Variants in NSMCE2 observed in about 807,000 individuals in gnomAD.
NSMCE2 encodes the protein E3 SUMO-protein ligase NSE2.
A neutral mutation model predicts 23.8 loss-of-function variants in NSMCE2; 24 were observed. The ratio of observed to expected loss-of-function variants is 1.01; its 90% CI spans 0.73 to 1.42. The LOEUF (loss-of-function observed/expected upper bound fraction) is 1.42, where lower values mean the gene tolerates loss of function less well. Ranked by LOEUF, NSMCE2 falls within the 40% of genes most tolerant of loss-of-function variation. The pLI, the probability that NSMCE2 is intolerant of heterozygous loss-of-function variation, is 0.00. For missense variants in NSMCE2, 284 were observed against 296.5 expected, an observed-to-expected ratio of 0.96 and a Z score of 0.31; for synonymous variants, 92 against 94.1, an observed-to-expected ratio of 0.98 and a Z score of 0.13.
At chr8:125,213,574 C>CCCTCTTTCCTTTCTTCT (rs1824444592) in intron 5 of NSMCE2, among the ~76,000 whole-genome samples, 1 of 131,234 alleles carries the variant, frequency 7.6e-6, no homozygotes, top group East Asian at 2.6e-4. Flanking sequence ...CCTCCCCCTC[C>CCCTCTTTCCTTTCTTCT]CCTCTTTCCT....
At chr8:125,320,145 C>T (rs991721772) in intron 5 of NSMCE2, among the ~76,000 whole-genome samples, 2 of 148,840 alleles carry the variant, frequency 1.3e-5, no homozygotes, top group African/African-American at 5.0e-5. Flanking sequence ...CACCACACTC[C>T]GGTCTGGGCA....
intron 5 of NSMCE2, among the ~76,000 whole-genome samples, chr8:125,255,690 G>A (rs1586677186): frequency 6.6e-6 from 1 of 152,178 alleles, no homozygotes; most frequent in Non-Finnish European, 1.5e-5. Flanking sequence ...ATGAAGGCCC[G>A]TGTTTGCCAG....
At chr8:125,363,351 T>A (rs1272394911) in intron 7 of NSMCE2, 3 of 151,618 alleles carry the variant, frequency 2.0e-5, no homozygotes, top group African/African-American at 7.3e-5. Context: ...AAAAATTTTT[T>A]AAAAATTAGC....
At chr8:125,251,330 A>G (rs1249063266) in intron 5 of NSMCE2, among the ~76,000 whole-genome samples, 2 of 152,260 alleles carry the variant, frequency 1.3e-5, no homozygotes, top group Non-Finnish European at 2.9e-5. Flanking sequence ...TGGAAAAAAA[A>G]GTATTTTCAA....
chr8:125,136,759 A>G (rs189298891), intron 3 of NSMCE2, among the ~76,000 whole-genome samples: 3 of 152,174 alleles, frequency 2.0e-5, no homozygotes, highest in Non-Finnish European at 2.9e-5. Flanking sequence ...TTAGGTGTTT[A>G]TGAATTATTA....
intron 5 of NSMCE2, among the ~76,000 whole-genome samples, chr8:125,342,497 A>G (rs1245322386): frequency 6.6e-6 from 1 of 152,132 alleles, no homozygotes; most frequent in Non-Finnish European, 1.5e-5. Flanking sequence ...GAAAGTGGAC[A>G]AGGAGGGGGT....
chr8:125,255,606 G>C (rs370235435), intron 5 of NSMCE2, among the ~76,000 whole-genome samples: 1 of 152,276 alleles, frequency 6.6e-6, no homozygotes, highest in East Asian at 1.9e-4. Context: ...TGAGCACTTA[G>C]GTGTTGCTGG....
Position 125,144,387 on chromosome 8 carries a change from A to G in NSMCE2, c.158-6784A>G, listed in dbSNP as rs113795367. The stretch of plus-strand genomic sequence containing the variant: ...CCCACCTGGATTTGGGAAAGCCAAT[A>G]GAAAGAATCTTCTGCTCTCCTATCT... On this transcript the variant is annotated intron_variant, in intron 3 of 7. Coordinates refer to ENST00000287437, the MANE Select transcript of NSMCE2 (RefSeq NM_173685.4). Among the ~76,000 whole-genome samples, 457 of 152,360 alleles carry G rather than the reference A, an allele frequency of 3.0e-3. 2 individuals are homozygous for G. Among genetic ancestry groups the G allele is most frequent in the African/African-American group, 0.01 (431 of 41,588 alleles).
chr8:125,363,121 A>G (rs1052790193), intron 7 of NSMCE2: 4 of 152,230 alleles, frequency 2.6e-5, no homozygotes, highest in African/African-American at 9.6e-5. Context: ...TTTCAATGTC[A>G]TGGAAGCCAA....
intron 5 of NSMCE2, among the ~76,000 whole-genome samples, chr8:125,226,859 C>T (rs1330407965): frequency 6.6e-6 from 1 of 152,074 alleles, no homozygotes; most frequent in African/African-American, 2.4e-5. Context: ...CCCTTAGTTT[C>T]CTCTTTTCTC....
intron 5 of NSMCE2, among the ~76,000 whole-genome samples, chr8:125,267,147 A>G (rs545203830): frequency 6.6e-6 from 1 of 151,428 alleles, no homozygotes; most frequent in South Asian, 2.1e-4. Context: ...TGGATTATAT[A>G]TAGGCACGCA....
At chr8:125,311,340 T>TA (rs534080011) in intron 5 of NSMCE2, among the ~76,000 whole-genome samples, 85 of 151,508 alleles carry the variant, frequency 5.6e-4, no homozygotes, top group Non-Finnish European at 9.0e-4. Context: ...TAGAAATCTG[T>TA]AAAAAAAAAT....
intron 4 of NSMCE2, among the ~76,000 whole-genome samples, chr8:125,171,003 TTTGA>T (rs1333400860): frequency 6.6e-6 from 1 of 152,198 alleles, no homozygotes; most frequent in Non-Finnish European, 1.5e-5. Context: ...CGCACCCTGC[TTTGA>T]TTAATACTAC....
At chr8:125,236,722 A>G (rs1825571514) in intron 5 of NSMCE2, among the ~76,000 whole-genome samples, 1 of 152,150 alleles carries the variant, frequency 6.6e-6, no homozygotes, top group African/African-American at 2.4e-5. Context: ...CAGATTTCTA[A>G]AAAGATTTGA....
At chr8:125,262,030 G>A (rs888337732) in intron 5 of NSMCE2, among the ~76,000 whole-genome samples, 1 of 152,054 alleles carries the variant, frequency 6.6e-6, no homozygotes, top group African/African-American at 2.4e-5. Flanking sequence ...CCAGGAGGTG[G>A]AGGTTGCAGT....
At chr8:125,160,537 C>T (rs1821555224) in intron 4 of NSMCE2, among the ~76,000 whole-genome samples, 2 of 152,210 alleles carry the variant, frequency 1.3e-5, no homozygotes, top group Non-Finnish European at 2.9e-5. Context: ...ATCAGGGGAA[C>T]TGGGCCAATG....
chr8:125,215,789 G>A (rs1456569833), intron 5 of NSMCE2, among the ~76,000 whole-genome samples: 1 of 152,136 alleles, frequency 6.6e-6, no homozygotes, highest in East Asian at 1.9e-4. Context: ...TATTAAATCG[G>A]GTTCTATCTC....
At chr8:125,270,464 C>G (rs1488283547) in intron 5 of NSMCE2, 1 of 151,882 alleles carries the variant, frequency 6.6e-6, no homozygotes, top group East Asian at 1.9e-4. Context: ...GACTGTGTCT[C>G]AAAGCAAAAA....
At chr8:125,255,954 T>C (rs1826386664) in intron 5 of NSMCE2, among the ~76,000 whole-genome samples, 1 of 151,792 alleles carries the variant, frequency 6.6e-6, no homozygotes, top group Non-Finnish European at 1.5e-5. Flanking sequence ...AGTCAAGAAA[T>C]AGGTGGTTTT....
Sources: gnomAD v4.1 joint callset for allele counts (sites outside exome capture counted in the v4.1 genomes callset) on GRCh38, gnomAD v4.1.1 for gene constraint, MANE v1.5 for transcripts, NCBI Gene and HGNC (gene_info 2026-07-23, HGNC 2026-07-21) for gene names.